Variants in ZNF709 observed in about 807,000 individuals in gnomAD.
ZNF709 encodes zinc finger protein 709.
In ZNF709, 15 loss-of-function variants were observed where a neutral mutation model predicts 10.6. That is an observed-to-expected ratio of 1.41 (90% CI 0.95 to 2.18). The LOEUF (loss-of-function observed/expected upper bound fraction) is 2.18. Among genes scored for constraint, ZNF709 ranks in the 30% most tolerant of loss-of-function variants. The pLI is 0.00. For missense variants in ZNF709, 589 were observed against 774.0 expected (o/e 0.76, Z 2.84); for synonymous variants, 194 against 238.8 (o/e 0.81, Z 1.73).
intron 1 of ZNF709, among the ~76,000 whole-genome samples, chr19:12,476,775 T>C (rs191034626): frequency 8.4e-4 from 128 of 152,354 alleles, no homozygotes; most frequent in Non-Finnish European, 1.2e-3. Context: ...GCCCTCCTTT[T>C]ACCAAATGGT....
At position 12,463,382 on chromosome 19, in the gene ZNF709, T is replaced by G. The variant is rs975985124; in HGVS notation, c.*614A>C. On this transcript the variant is annotated 3_prime_UTR_variant, in exon 4 of 4. Coordinates refer to ENST00000397732, the MANE Select transcript of ZNF709 (RefSeq NM_152601.4). ...TCTACATTTTTTACATTTATAGGGTTTTCCACATTCTTTACATTTTTAAGG... is the reference window on the plus strand; with the variant it reads ...TCTACATTTTTTACATTTATAGGGTGTTCCACATTCTTTACATTTTTAAGG... 3.3e-5 allele frequency: 5 copies of G among 152,190 alleles called. No individual in the cohort carries two copies. The highest frequency in any genetic ancestry group is 1.2e-4 in the African/African-American group (5 of 41,436). 9.4% of individuals were successfully genotyped at this position (152,190 alleles called of 1,614,324 possible).
In ZNF709 at chr19:12,482,156, AAC is replaced by A. The variant is rs34621481; in HGVS notation, c.3+2497_3+2498del. ...TCTAAAATACACACACACACACACAAACACACACACACACACACACACACACA... is the reference window on the plus strand; with the variant it reads ...TCTAAAATACACACACACACACACAAACACACACACACACACACACACACA... On this transcript the variant is annotated intron_variant, in intron 1 of 3. Transcript: ENST00000397732. Among the ~76,000 whole-genome samples the A allele has an allele frequency of 4.7e-3, 603 of 128,380 alleles. 6 individuals carry two copies. The highest frequency in any genetic ancestry group is 0.01 in the East Asian group (40 of 3,832). 84.2% of individuals were successfully genotyped at this position (128,380 alleles called of 152,430 possible).
rs1970764084 is a variant in ZNF709, at chr19:12,484,717, C to G, written c.-60G>C. Reference sequence around the variant, plus strand: ...ACCTCTCCCGCGGCCAGCACAGGTCCTACCTCCACCTGAGGCCCTTCCTCC... The same window carrying G: ...ACCTCTCCCGCGGCCAGCACAGGTCGTACCTCCACCTGAGGCCCTTCCTCC... On this transcript the variant is annotated 5_prime_UTR_variant, in exon 1 of 4. Coordinates refer to ENST00000397732, the MANE Select transcript of ZNF709 (RefSeq NM_152601.4). 1 of 1,612,652 alleles carries G rather than the reference C, an allele frequency of 6.2e-7. No individual in the cohort carries two copies. The highest frequency in any genetic ancestry group is 1.3e-5 in the African/African-American group (1 of 74,918).
rs546027752 is a variant in ZNF709, at chr19:12,476,388, T to G, written c.3+8267A>C. Among the ~76,000 whole-genome samples, 1,263 of 134,410 alleles carry G rather than the reference T, an allele frequency of 9.4e-3. 13 individuals are homozygous for G. Among genetic ancestry groups the G allele is most frequent in the African/African-American group, 0.033 (1,203 of 36,436 alleles). The allele number at this position is 134,410 out of a possible 152,430, so 88.2% of individuals were successfully genotyped here. On this transcript the variant is annotated intron_variant, in intron 1 of 3. Coordinates refer to ENST00000397732, the MANE Select transcript of ZNF709 (RefSeq NM_152601.4). ...GCCTGGGCAAGAGGGAGAACTTGCC[T>G]CAAAAAAAAAAAAAAAAGTAAAGTT...
chr19:12,471,709 A>T (rs1477895763), intron 1 of ZNF709, among the ~76,000 whole-genome samples: 1 of 152,236 alleles, frequency 6.6e-6, no homozygotes, highest in African/African-American at 2.4e-5. Context: ...AGTGGAAGAG[A>T]TCACTAACAC....
At chr19:12,466,402 C>A in intron 3 of ZNF709, 60 bp downstream of exon 3, 1 of 1,473,026 alleles carries the variant, frequency 6.8e-7, no homozygotes, top group Non-Finnish European at 9.4e-7. Flanking sequence ...ATTTTTTAAA[C>A]CTAATGGCAT....
rs1970535616 is a variant in ZNF709, at chr19:12,463,735, T to G, written c.*261A>C. On this transcript the variant is annotated 3_prime_UTR_variant, in exon 4 of 4. Transcript: ENST00000397732. Reference sequence around the variant, plus strand: ...TGAGGTCAGGAGTTCGAGACCAGCCTGGCCAACATGGCGAAACCCCATCTC... The same window carrying G: ...TGAGGTCAGGAGTTCGAGACCAGCCGGGCCAACATGGCGAAACCCCATCTC... The G allele has an allele frequency of 7.5e-6, 2 of 267,412 alleles. No homozygotes were observed. Among genetic ancestry groups the G allele is most frequent in the South Asian group, 3.2e-4 (2 of 6,230 alleles). 16.6% of individuals were successfully genotyped at this position (267,412 alleles called of 1,614,324 possible).
intron 1 of ZNF709, among the ~76,000 whole-genome samples, chr19:12,467,750 G>A (rs1268679268): frequency 2.0e-5 from 3 of 151,108 alleles, no homozygotes; most frequent in African/African-American, 4.9e-5. Context: ...CCTCTGCCCC[G>A]CCGCCCCGTC....
rs60000717 is a variant in ZNF709, at chr19:12,463,926, CAAAAA to C, written c.*65_*69del. 8,135 of 907,592 alleles carry C rather than the reference CAAAAA, an allele frequency of 9.0e-3. No individual in the cohort carries two copies. The highest frequency in any genetic ancestry group is 0.021 in the South Asian group (588 of 28,390). The allele number at this position is 907,592 out of a possible 1,614,324, so 56.2% of individuals were successfully genotyped here. On this transcript the variant is annotated 3_prime_UTR_variant, in exon 4 of 4. Transcript: ENST00000397732. Reference sequence around the variant, plus strand: ...AGGGCAACAGAGTGAGAATTCAACTCAAAAAAAAAAAAAAAAAAAAAGGAAATAGG... The same window carrying C: ...AGGGCAACAGAGTGAGAATTCAACTCAAAAAAAAAAAAAAAAGGAAATAGG...
At chr19:12,471,313 G>A (rs998689595) in intron 1 of ZNF709, among the ~76,000 whole-genome samples, 1 of 152,126 alleles carries the variant, frequency 6.6e-6, no homozygotes, top group Non-Finnish European at 1.5e-5. Context: ...AATTAAGGTG[G>A]AAGTTGGTAC....
rs1231121308 is a variant in ZNF709, at chr19:12,482,183, A to ACGCG, written c.3+2471_3+2472insCGCG. Among the ~76,000 whole-genome samples, 81 of 149,992 alleles carry ACGCG rather than the reference A, an allele frequency of 5.4e-4. No homozygotes were observed. In the East Asian group the frequency reaches 8.2e-3, roughly 15 times the overall value. The stretch of plus-strand genomic sequence containing the variant: ...CACACACACACACACACACACACAC[A>ACGCG]CGCTCCCTCTCCCTCTCCCTCTCTC... On this transcript the variant is annotated intron_variant, in intron 1 of 3. Transcript: ENST00000397732.
At chr19:12,477,550 CTTAAGA>C (rs1445255599) in intron 1 of ZNF709, among the ~76,000 whole-genome samples, 1 of 152,176 alleles carries the variant, frequency 6.6e-6, no homozygotes, top group African/African-American at 2.4e-5. Flanking sequence ...CAGTAACTCC[CTTAAGA>C]TTATCAGGGG....
chr19:12,475,475 G>T (rs1275187368), intron 1 of ZNF709, among the ~76,000 whole-genome samples: 4 of 152,068 alleles, frequency 2.6e-5, no homozygotes, highest in African/African-American at 7.2e-5. Context: ...TATCACAAAT[G>T]TAAGTGGGAA....
At chr19:12,469,596 G>A (rs199983004) in intron 1 of ZNF709, among the ~76,000 whole-genome samples, 1 of 151,980 alleles carries the variant, frequency 6.6e-6, no homozygotes, top group Non-Finnish European at 1.5e-5. Flanking sequence ...GTGAAACCCT[G>A]TCTCTACTAA....
chr19:12,480,602 G>A (rs1028317955), intron 1 of ZNF709, among the ~76,000 whole-genome samples: 2 of 150,978 alleles, frequency 1.3e-5, no homozygotes, highest in Non-Finnish European at 2.9e-5. Context: ...AGAATGGCGT[G>A]AACCTGGGAG....
In ZNF709 at chr19:12,461,597, C is replaced by G. The variant is rs1970516410; in HGVS notation, c.*2399G>C. On this transcript the variant is annotated 3_prime_UTR_variant, in exon 4 of 4. Coordinates refer to ENST00000397732, the MANE Select transcript of ZNF709 (RefSeq NM_152601.4). ...CATGGTGTTTATTACATAAATAATA[C>G]CTTGGATAAATTCAACCTAGAGATG... The G allele has an allele frequency of 6.6e-6, 1 of 152,076 alleles. No individual in the cohort carries two copies. Among genetic ancestry groups the G allele is most frequent in the African/African-American group, 2.4e-5 (1 of 41,398 alleles). 9.4% of individuals were successfully genotyped at this position (152,076 alleles called of 1,614,324 possible).
chr19:12,474,886 T>A (rs1031966040), intron 1 of ZNF709, among the ~76,000 whole-genome samples: 9 of 152,078 alleles, frequency 5.9e-5, no homozygotes, highest in African/African-American at 2.2e-4. Context: ...TCAACTCTAG[T>A]ATAAAAGCTA....
Position 12,484,778 on chromosome 19 carries a change from C to G in ZNF709, c.-121G>C. The stretch of plus-strand genomic sequence containing the variant: ...CTTCTGGGGTGAGGAGACCCCAGAG[C>G]GGAGCGCAGCGGCTGGTAGCCACGC... On this transcript the variant is annotated 5_prime_UTR_variant, in exon 1 of 4. Transcript: ENST00000397732. 1 of 1,339,276 alleles carries G rather than the reference C, an allele frequency of 7.5e-7. No homozygotes were observed. The highest frequency in any genetic ancestry group is 1.3e-5 in the South Asian group (1 of 76,732). The allele number at this position is 1,339,276 out of a possible 1,614,324, so 83.0% of individuals were successfully genotyped here.
chr19:12,476,152 G>A (rs1422018753), intron 1 of ZNF709, among the ~76,000 whole-genome samples: 1 of 152,186 alleles, frequency 6.6e-6, no homozygotes, highest in East Asian at 1.9e-4. Context: ...AGCACTCTGG[G>A]AGGCCATGGC....
Sources: gnomAD v4.1 joint callset for allele counts (sites outside exome capture counted in the v4.1 genomes callset) on GRCh38, gnomAD v4.1.1 for gene constraint, MANE v1.5 for transcripts, NCBI Gene and HGNC (gene_info 2026-07-23, HGNC 2026-07-21) for gene names.